Variants in LAMA2 observed in about 807,000 individuals in gnomAD.
LAMA2 encodes the protein laminin subunit alpha 2.
LAMA2 carries 269 observed loss-of-function variants against 364.8 expected under a neutral mutation model. That is an observed-to-expected ratio of 0.74 (90% CI 0.67 to 0.82). The LOEUF (loss-of-function observed/expected upper bound fraction) is 0.82. Among genes scored for constraint, LAMA2 ranks in the 40% least tolerant of loss-of-function variants. LAMA2 has a pLI of 0.00. For missense variants in LAMA2, 3,807 were observed against 3,873.2 expected, an observed-to-expected ratio of 0.98 and a Z score of 0.45; for synonymous variants, 1,379 against 1,370.6, an observed-to-expected ratio of 1.01 and a Z score of -0.14.
At chr6:129,397,933 T>A (rs1779749154) in intron 37 of LAMA2, among the ~76,000 whole-genome samples, 1 of 87,752 alleles carries the variant, frequency 1.1e-5, no homozygotes. Flanking sequence ...TGAGACTCCG[T>A]CTCAGAAAAA....
intron 12 of LAMA2, among the ~76,000 whole-genome samples, chr6:129,229,876 T>A (rs1455397864): frequency 6.6e-6 from 1 of 152,164 alleles, no homozygotes; most frequent in South Asian, 2.1e-4. Flanking sequence ...TTACAGGAGA[T>A]CATGAACTCA....
In LAMA2 at chr6:129,073,798, A is replaced by T. The variant is rs544430590; in HGVS notation, c.396+13902A>T. On this transcript the variant is annotated intron_variant, in intron 3 of 64. Coordinates refer to ENST00000421865, the MANE Select transcript of LAMA2 (RefSeq NM_000426.4). ...AACATATTAATAACAGTTATTTTAA[A>T]TTATATGTCTGATAACTCTGACGTT... 3.3e-5 allele frequency among the ~76,000 whole-genome samples: 5 copies of T among 152,266 alleles called. No individual in the cohort carries two copies. In the South Asian group the frequency reaches 1.0e-3, roughly 32 times the overall value.
At chr6:129,373,216 G>A (rs201407884) in intron 34 of LAMA2, among the ~76,000 whole-genome samples, 1 of 152,052 alleles carries the variant, frequency 6.6e-6, no homozygotes, top group East Asian at 1.9e-4. Flanking sequence ...CCATATCCAC[G>A]GTCATCTAGA....
intron 2 of LAMA2, among the ~76,000 whole-genome samples, chr6:129,058,001 A>C (rs3813369): frequency 0.26 from 39,798 of 152,080 alleles, 5,352 homozygotes; most frequent in African/African-American, 0.31. Flanking sequence ...TAATAAACAC[A>C]GGAGTACAGG....
At chr6:129,047,906 C>G (rs9492211) in intron 1 of LAMA2, among the ~76,000 whole-genome samples, 21 of 152,200 alleles carry the variant, frequency 1.4e-4, no homozygotes, top group African/African-American at 3.9e-4. Context: ...TAGATCTATG[C>G]TGGTTTCATA....
chr6:129,268,270 T>A lies in LAMA2; in HGVS notation c.2322+1051T>A, dbSNP rs575834216. 2.7e-3 allele frequency among the ~76,000 whole-genome samples: 410 copies of A among 152,188 alleles called. 2 individuals carry two copies. The highest frequency in any genetic ancestry group is 9.3e-3 in the African/African-American group (387 of 41,562). On this transcript the variant is annotated intron_variant, in intron 16 of 64. Coordinates refer to ENST00000421865, the MANE Select transcript of LAMA2 (RefSeq NM_000426.4). ...TTTGTGGATCAGTGGATTTTTGAAA[T>A]GACATTTTTATGAATAGAAAGACTA...
At chr6:129,489,877 G>A (rs1784773524) in intron 56 of LAMA2, among the ~76,000 whole-genome samples, 1 of 151,538 alleles carries the variant, frequency 6.6e-6, no homozygotes, top group African/African-American at 2.4e-5. Context: ...TAAGAAATAG[G>A]GTATAAGTAA....
At chr6:129,032,788 G>A (rs915663073) in intron 1 of LAMA2, among the ~76,000 whole-genome samples, 1 of 151,842 alleles carries the variant, frequency 6.6e-6, no homozygotes, top group African/African-American at 2.4e-5. Flanking sequence ...AGATGGATCT[G>A]ATATTTATTT....
chr6:129,516,157 C>T (rs1787053782), intron 64 of LAMA2, 33 bp from the exon 65 acceptor site: 2 of 1,612,882 alleles, frequency 1.2e-6, no homozygotes, highest in African/African-American at 1.3e-5. Context: ...CAGGACATTT[C>T]AAAGCTGAGC....
chr6:129,460,398 C>A, intron 49 of LAMA2, 74 bp downstream of exon 49: 3 of 1,416,244 alleles, frequency 2.1e-6, no homozygotes, highest in Non-Finnish European at 3.0e-6. Flanking sequence ...GCATAATATT[C>A]TATTATCATG....
chr6:129,294,876 TTAAAA>T (rs1333049052), intron 20 of LAMA2, among the ~76,000 whole-genome samples: 4 of 151,938 alleles, frequency 2.6e-5, no homozygotes, highest in Non-Finnish European at 5.9e-5. Flanking sequence ...GAAGAAATGT[TTAAAA>T]TAATTTTTTT....
At chr6:128,981,863 G>C (rs1454471275) in intron 1 of LAMA2, among the ~76,000 whole-genome samples, 1 of 152,168 alleles carries the variant, frequency 6.6e-6, no homozygotes, top group East Asian at 1.9e-4. Flanking sequence ...ACAGGTCCCA[G>C]GTCGTTGACT....
At chr6:129,177,117 C>T (rs1400326337) in intron 9 of LAMA2, among the ~76,000 whole-genome samples, 1 of 152,028 alleles carries the variant, frequency 6.6e-6, no homozygotes, top group Non-Finnish European at 1.5e-5. Context: ...TTTTGTATTT[C>T]TGTATGTTAA....
chr6:129,158,513 T>G, intron 8 of LAMA2: 1 of 1,614,122 alleles, frequency 6.2e-7, no homozygotes, highest in Non-Finnish European at 8.5e-7. Context: ...TTAGTGATTT[T>G]CCAACTGGAA....
chr6:129,265,182 C>T (rs1787421027), intron 15 of LAMA2, among the ~76,000 whole-genome samples: 1 of 152,104 alleles, frequency 6.6e-6, no homozygotes, highest in African/African-American at 2.4e-5. Flanking sequence ...ACATTCCCCA[C>T]ATCACTTGTT....
rs768774701 is a variant in LAMA2 at position 129,440,820 on chromosome 6, A to C, written c.6090A>C (p.Thr2030=). ...CATACCCTCATCTGCTGACAGATAC[A>C]GCTGCTAAACTGCAAGCTGTTAAGG... ...LGKLSAIPND[T]AAKLQAVKDK... is the part of the protein sequence containing the mutation. Residue 2030 remains threonine, a synonymous_variant, in exon 43 of 65, where the codon ACA becomes ACC. Transcript: ENST00000421865. 2 of 1,613,672 alleles carry C rather than the reference A, an allele frequency of 1.2e-6. No individual in the cohort carries two copies. Among genetic ancestry groups the C allele is most frequent in the Non-Finnish European group, 1.7e-6 (2 of 1,179,782 alleles).
chr6:129,117,738 G>A (rs1285879914), intron 4 of LAMA2, among the ~76,000 whole-genome samples: 1 of 152,108 alleles, frequency 6.6e-6, no homozygotes, highest in African/African-American at 2.4e-5. Context: ...TAAATGCCTT[G>A]CATCTTGTAA....
chr6:129,410,660 A>G (rs1447298770), intron 40 of LAMA2, among the ~76,000 whole-genome samples: 1 of 152,208 alleles, frequency 6.6e-6, no homozygotes. Context: ...AGATAGATGA[A>G]TGGATGGATA....
intron 1 of LAMA2, among the ~76,000 whole-genome samples, chr6:128,995,898 T>C (rs1379338675): frequency 6.6e-6 from 1 of 152,134 alleles, no homozygotes; most frequent in Non-Finnish European, 1.5e-5. Flanking sequence ...CTTTAGGACG[T>C]TTAGAGTTTT....
Sources: gnomAD v4.1 joint callset for allele counts (sites outside exome capture counted in the v4.1 genomes callset) on GRCh38, gnomAD v4.1.1 for gene constraint, MANE v1.5 for transcripts, NCBI Gene and HGNC (gene_info 2026-07-23, HGNC 2026-07-21) for gene names.